The following ENOX1 variants were observed in gnomAD, a reference collection of about 807,000 sequenced individuals.
The protein encoded by ENOX1 is candidate growth-related and time keeping constitutive hydroquinone (NADH) oxidase.
ENOX1 carries 42 observed loss-of-function variants against 82.5 expected under a neutral mutation model. The observed-to-expected ratio is 0.51, with a 90% CI of 0.40 to 0.66. The LOEUF (loss-of-function observed/expected upper bound fraction) is 0.66. Among genes scored for constraint, ENOX1 ranks in the 30% least tolerant of loss-of-function variants. The pLI is 0.00. For missense variants in ENOX1, 608 were observed against 811.6 expected (o/e 0.75, Z 3.05); for synonymous variants, 271 against 282.2 (o/e 0.96, Z 0.40).
rs1045150383 is a variant in ENOX1, at chr13:43,244,657, C to T, written c.1612-7919G>A. Among the ~76,000 whole-genome samples the T allele has an allele frequency of 2.0e-5, 3 of 152,112 alleles. No individual in the cohort carries two copies. The East Asian group carries it at 5.8e-4, about 29-fold the overall frequency. Reference sequence around the variant, plus strand: ...TCACCCACACCCTAAATAGAGAAACCACCGCCATGTGACTTCCCCTATGAC... The same window carrying T: ...TCACCCACACCCTAAATAGAGAAACTACCGCCATGTGACTTCCCCTATGAC... On this transcript the variant is annotated intron_variant, in intron 14 of 16. Coordinates refer to ENST00000690772, the MANE Select transcript of ENOX1 (RefSeq NM_001347969.2).
intron 1 of ENOX1, among the ~76,000 whole-genome samples, chr13:43,778,651 C>T (rs751945085): frequency 1.2e-4 from 19 of 152,166 alleles, no homozygotes; most frequent in Non-Finnish European, 2.5e-4. Flanking sequence ...AAATCCTTCC[C>T]GTAAAATATA....
chr13:43,291,056 T>A (rs964547890), intron 12 of ENOX1, among the ~76,000 whole-genome samples: 16 of 152,074 alleles, frequency 1.1e-4, no homozygotes, highest in East Asian at 3.9e-4. Flanking sequence ...TTGAAAAAAA[T>A]TTTTAAAAGC....
At chr13:43,510,285 T>C (rs17576024) in intron 2 of ENOX1, among the ~76,000 whole-genome samples, 56,164 of 151,954 alleles carry the variant, frequency 0.37, 12,374 homozygotes, top group Non-Finnish European at 0.5. Flanking sequence ...GATGCATTCA[T>C]ACAGAGTGAT....
At chr13:43,590,546 G>A (rs569057604) in intron 2 of ENOX1, among the ~76,000 whole-genome samples, 8 of 152,122 alleles carry the variant, frequency 5.3e-5, no homozygotes, top group Middle Eastern at 3.4e-3. Context: ...AGGCCAAGGT[G>A]GGCAGATCAG....
chr13:43,432,905 A>T (rs2055770888), intron 3 of ENOX1, among the ~76,000 whole-genome samples: 1 of 151,994 alleles, frequency 6.6e-6, no homozygotes, highest in Admixed American at 6.6e-5. Context: ...CGTTAACCCT[A>T]TTCACCAAAC....
intron 3 of ENOX1, among the ~76,000 whole-genome samples, chr13:43,439,041 CTT>C (rs61212622): frequency 6.0e-4 from 72 of 120,112 alleles, no homozygotes; most frequent in Admixed American, 1.2e-3. Context: ...GTCTTTTAAT[CTT>C]TTTTTTTTTT....
intron 14 of ENOX1, among the ~76,000 whole-genome samples, chr13:43,248,164 C>T (rs1329744366): frequency 6.6e-6 from 1 of 151,264 alleles, no homozygotes; most frequent in Non-Finnish European, 1.5e-5. Context: ...GGATTACAGG[C>T]GTGAGCCACC....
chr13:43,672,617 A>G (rs1350319003), intron 1 of ENOX1, among the ~76,000 whole-genome samples: 1 of 152,214 alleles, frequency 6.6e-6, no homozygotes, highest in Admixed American at 6.5e-5. Flanking sequence ...ATTTTAAAGC[A>G]ATCCCTAGAT....
At chr13:43,438,943 T>G (rs1594607882) in intron 3 of ENOX1, among the ~76,000 whole-genome samples, 1 of 152,142 alleles carries the variant, frequency 6.6e-6, no homozygotes, top group African/African-American at 2.4e-5. Flanking sequence ...AGGAGAGGGC[T>G]TCTTGAAATT....
At chr13:43,306,289 C>T (rs1482018264) in intron 11 of ENOX1, among the ~76,000 whole-genome samples, 1 of 152,150 alleles carries the variant, frequency 6.6e-6, no homozygotes, top group Admixed American at 6.5e-5. Context: ...CTACTGAGCC[C>T]CAAGGCCAGG....
intron 3 of ENOX1, among the ~76,000 whole-genome samples, chr13:43,451,760 T>A (rs2056980169): frequency 6.6e-6 from 1 of 152,226 alleles, no homozygotes; most frequent in Non-Finnish European, 1.5e-5. Flanking sequence ...GTACTGTTTC[T>A]ATGCAAATAA....
chr13:43,443,956 C>G (rs189326976), intron 3 of ENOX1, among the ~76,000 whole-genome samples: 15 of 152,226 alleles, frequency 9.9e-5, no homozygotes, highest in Admixed American at 1.3e-4. Context: ...TTATGACTAG[C>G]CTGCTCTTCT....
intron 2 of ENOX1, among the ~76,000 whole-genome samples, chr13:43,561,311 C>T (rs187172749): frequency 6.6e-6 from 1 of 152,222 alleles, no homozygotes; most frequent in African/African-American, 2.4e-5. Context: ...TGTACTTGTG[C>T]AGATAGAGAG....
At chr13:43,414,053 T>C (rs1186020676) in intron 3 of ENOX1, among the ~76,000 whole-genome samples, 1 of 152,180 alleles carries the variant, frequency 6.6e-6, no homozygotes, top group Admixed American at 6.5e-5. Flanking sequence ...GATCTTATGG[T>C]TTGACAGTGT....
rs114810605 is a variant in ENOX1, at chr13:43,294,368, C to T, written c.1446+3978G>A. Among the ~76,000 whole-genome samples, 1,295 of 152,234 alleles carry T rather than the reference C, an allele frequency of 8.5e-3. 15 individuals are homozygous for T. The highest frequency in any genetic ancestry group is 0.029 in the African/African-American group (1,221 of 41,512). ...TTATTAAAAAATTATGACATGTTGA[C>T]CTATCCTCATGAATGAAAATAAAAA... On this transcript the variant is annotated intron_variant, in intron 12 of 16. Transcript: ENST00000690772.
chr13:43,460,793 C>CA (rs1312983530), intron 3 of ENOX1, among the ~76,000 whole-genome samples: 1,108 of 25,700 alleles, frequency 0.043, 174 homozygotes, highest in Non-Finnish European at 0.048. Flanking sequence ...GACTCCATCT[C>CA]AAAAAAAAAA....
intron 1 of ENOX1, among the ~76,000 whole-genome samples, chr13:43,742,909 TA>T (rs1949821157): frequency 4.0e-5 from 2 of 50,546 alleles, no homozygotes; most frequent in South Asian, 2.9e-3. Flanking sequence ...CTACCGTGTG[TA>T]AAATAGACTG....
chr13:43,259,659 A>G (rs2153475359), intron 14 of ENOX1, among the ~76,000 whole-genome samples: 2 of 152,244 alleles, frequency 1.3e-5, no homozygotes, highest in South Asian at 4.1e-4. Context: ...TATTTTTAGT[A>G]GAGACAGGGT....
chr13:43,487,754 C>T (rs2076479829), intron 2 of ENOX1, among the ~76,000 whole-genome samples: 1 of 152,154 alleles, frequency 6.6e-6, no homozygotes, highest in Admixed American at 6.5e-5. Flanking sequence ...AAACCACACA[C>T]CCTTTTACTC....
Sources: gnomAD v4.1 joint callset for allele counts (sites outside exome capture counted in the v4.1 genomes callset) on GRCh38, gnomAD v4.1.1 for gene constraint, MANE v1.5 for transcripts, NCBI Gene and HGNC (gene_info 2026-07-23, HGNC 2026-07-21) for gene names.